The following INTS10 variants were observed in gnomAD, a reference collection of about 807,000 sequenced individuals.
INTS10 encodes chromosome 8 open reading frame 35.
INTS10 carries 44 observed loss-of-function variants against 94.4 expected under a neutral mutation model. The observed-to-expected ratio is 0.47, with a 90% CI of 0.37 to 0.60. The LOEUF is 0.60. INTS10 is among the 20% of genes least tolerant of loss of function. INTS10 has a pLI of 0.00. For synonymous variants in INTS10, 341 were observed against 320.7 expected (o/e 1.06, Z -0.68); for missense variants, 797 against 868.7 (o/e 0.92, Z 1.04).
rs996888469 is a variant in INTS10 at position 19,849,088 on chromosome 8, C to T, written c.1977-2561C>T. 2 of 612,948 alleles carry T rather than the reference C, an allele frequency of 3.3e-6. No individual in the cohort carries two copies. The highest frequency in any genetic ancestry group is 3.8e-5 in the African/African-American group (2 of 52,790). 38.0% of individuals were successfully genotyped at this position (612,948 alleles called of 1,614,324 possible). A position where few individuals can be genotyped will look rare whatever the true frequency, so the allele number is the denominator to read the frequency against. On this transcript the variant is annotated intron_variant, in intron 16 of 16. Transcript: ENST00000397977. The surrounding 1 kb of genome is among the most constrained non-coding windows in gnomAD (Gnocchi z 4.6). ...CTGCTTCTAGTCTTGTGTATTTTCT[C>T]TGGAGTGTTGTTTTTGCAGTGCAGG...
intron 12 of INTS10, among the ~76,000 whole-genome samples, chr8:19,833,800 G>T (rs1401944571): frequency 1.3e-5 from 2 of 152,058 alleles, no homozygotes; most frequent in African/African-American, 4.8e-5. Context: ...CTGAGGTCAG[G>T]AGTTTAAGAC....
chr8:19,844,113 T>G lies in INTS10; in HGVS notation c.1757T>G (p.Leu586Trp), dbSNP rs2068368441. Residue 586 changes from leucine to tryptophan, a missense_variant, in exon 15 of 17, where the codon TTG (leucine) becomes TGG (tryptophan). Around this residue, in one of 3 missense-constraint regions of INTS10, gnomAD observed 734 missense variants for 787.8 expected, o/e 0.93. Transcript: ENST00000397977. ...ACAGACAACAGAGACGACATGGCAT[T>G]GGGGCATGTGATTGTGTTGCTTCAG... is the stretch of plus-strand genomic sequence containing the variant. ...AFTDNRDDMA[L>W]GHVIVLLQQE... 1 of 1,613,412 alleles carries G rather than the reference T, an allele frequency of 6.2e-7. No homozygotes were observed. The highest frequency in any genetic ancestry group is 8.5e-7 in the Non-Finnish European group (1 of 1,179,562).
chr8:19,829,816 G>A (rs1237941475), intron 9 of INTS10, among the ~76,000 whole-genome samples: 3 of 152,080 alleles, frequency 2.0e-5, no homozygotes, highest in South Asian at 2.1e-4. Context: ...TTACAGGCAC[G>A]TGCCACCATG....
chr8:19,832,546 G>A (rs1359382491), intron 11 of INTS10, among the ~76,000 whole-genome samples: 2 of 152,112 alleles, frequency 1.3e-5, no homozygotes, highest in African/African-American at 4.8e-5. Flanking sequence ...CCCCAGCCTG[G>A]GTGACAGTGA....
chr8:19,822,342 C>G (rs571587739), intron 4 of INTS10, 97 bp from the exon 5 acceptor site: 1 of 645,502 alleles, frequency 1.5e-6, no homozygotes, highest in Admixed American at 2.9e-5. Context: ...TTTGATTATG[C>G]AAACTGTGAT....
chr8:19,825,035 A>G, intron 8 of INTS10, 63 bp downstream of exon 8: 1 of 1,310,962 alleles, frequency 7.6e-7, no homozygotes, highest in Non-Finnish European at 1.1e-6. Context: ...GGTAAGGAAA[A>G]TGAAAGTGTT....
intron 12 of INTS10, among the ~76,000 whole-genome samples, chr8:19,835,629 GC>G (rs545026524): frequency 1.9e-3 from 285 of 152,282 alleles, no homozygotes; most frequent in African/African-American, 6.5e-3. Context: ...ACAAGTCCTG[GC>G]TAGCTCTGTG....
chr8:19,831,488 T>C (rs1474773244), intron 10 of INTS10, among the ~76,000 whole-genome samples: 2 of 152,082 alleles, frequency 1.3e-5, no homozygotes, highest in African/African-American at 4.8e-5. Context: ...AGTTAGAGAC[T>C]AACCTGGGCA....
chr8:19,847,616 C>T (rs1490842556), intron 16 of INTS10, among the ~76,000 whole-genome samples: 3 of 152,178 alleles, frequency 2.0e-5, no homozygotes, highest in Non-Finnish European at 4.4e-5. Context: ...TATCACTTTA[C>T]CTAGATAATG....
Position 19,833,213 on chromosome 8 carries a change from T to A in INTS10, c.1422T>A (p.Ala474=), listed in dbSNP as rs1161112418. Reference sequence around the variant, plus strand: ...TAGCCAGCCTGCATCACTTAGCAGCTCTCCAGGGATCCATTTCTCAGCCAC... The same window carrying A: ...TAGCCAGCCTGCATCACTTAGCAGCACTCCAGGGATCCATTTCTCAGCCAC... ...KAIASLHHLA[A]LQGSISQPQI... The change falls in exon 12 of 17, where the codon GCT becomes GCA. Residue 474 remains alanine (A), a synonymous_variant. Transcript: ENST00000397977. The A allele has an allele frequency of 3.7e-6, 6 of 1,612,100 alleles. No homozygotes were observed. In the East Asian group the frequency reaches 1.3e-4, roughly 36 times the overall value.
chr8:19,833,136 C>T (rs1589991199), intron 11 of INTS10, 33 bp from the exon 12 acceptor site: 1 of 1,494,906 alleles, frequency 6.7e-7, no homozygotes, highest in Non-Finnish European at 8.9e-7. Flanking sequence ...AACAGCGATG[C>T]TTTTCCCCTC....
chr8:19,833,703 C>G (rs1299774318), intron 12 of INTS10, among the ~76,000 whole-genome samples: 1 of 152,086 alleles, frequency 6.6e-6, no homozygotes, highest in Non-Finnish European at 1.5e-5. Context: ...ACTTCAGATT[C>G]TCTCTTTAAA....
rs75763644 is a variant in INTS10 at position 19,848,778 on chromosome 8, C to T, written c.1977-2871C>T. ...AGGTTGAATGCTGGGACTGGTGTACCGTGAGAAGAGTGGAAAGTAAAGAGG... is the reference window on the plus strand; with the variant it reads ...AGGTTGAATGCTGGGACTGGTGTACTGTGAGAAGAGTGGAAAGTAAAGAGG... On this transcript the variant is annotated intron_variant, in intron 16 of 16. Coordinates refer to ENST00000397977, the MANE Select transcript of INTS10 (RefSeq NM_018142.4). The T allele has an allele frequency of 7.5e-3, 1,185 of 157,602 alleles. 10 individuals carry two copies. The highest frequency in any genetic ancestry group is 0.023 in the Middle Eastern group (7 of 298). 9.8% of individuals were successfully genotyped at this position (157,602 alleles called of 1,614,324 possible).
At chr8:19,828,767 C>A (rs1196906768) in intron 9 of INTS10, among the ~76,000 whole-genome samples, 1 of 150,696 alleles carries the variant, frequency 6.6e-6, no homozygotes, top group Non-Finnish European at 1.5e-5. Flanking sequence ...ATGTTGCCTA[C>A]TCTGTTCTTG....
At chr8:19,850,424 C>G (rs958299632) in intron 16 of INTS10, among the ~76,000 whole-genome samples, 1 of 152,124 alleles carries the variant, frequency 6.6e-6, no homozygotes, top group East Asian at 1.9e-4. Context: ...CCCTGTAGTT[C>G]TTTAAAACAT....
Position 19,818,325 on chromosome 8 carries a change from G to C in INTS10, c.180G>C (p.Gly60=). 10 of 1,614,190 alleles carry C rather than the reference G, an allele frequency of 6.2e-6. No homozygotes were observed. Among genetic ancestry groups the C allele is most frequent in the Non-Finnish European group, 8.5e-6 (10 of 1,180,028 alleles). ...ATGCAGAGCGGACCGCCACCGCCGG[G>C]AGGCTGCTGTACGACATGTGAGTGG... The part of the protein sequence containing the change: ...ERNAERTATA[G]RLLYDMFVNF... The change falls in exon 2 of 17, where the codon GGG becomes GGC. Residue 60 remains glycine (G), a synonymous_variant. Transcript: ENST00000397977.
chr8:19,818,424 G>C (rs937541636), intron 2 of INTS10, 82 bp downstream of exon 2: 1 of 1,390,756 alleles, frequency 7.2e-7, no homozygotes, highest in Non-Finnish European at 1.0e-6. Context: ...GTGGGAGTTG[G>C]GGGAAGATCT....
intron 13 of INTS10, 83 bp from the exon 14 acceptor site, chr8:19,842,765 G>C: frequency 1.3e-6 from 1 of 777,842 alleles, no homozygotes; most frequent in Non-Finnish European, 2.2e-6. Flanking sequence ...TGTTGTTAAT[G>C]AAAGCATCTT....
Position 19,846,040 on chromosome 8 carries a change from A to G in INTS10, c.1976+243A>G, listed in dbSNP as rs1228132606. ...ACATTTGCAACTTTTTCACTAGACAAAAGTCTCATTCATGATATCTTTTAC... is the reference window on the plus strand; with the variant it reads ...ACATTTGCAACTTTTTCACTAGACAGAAGTCTCATTCATGATATCTTTTAC... On this transcript the variant is annotated intron_variant, in intron 16 of 16. Transcript: ENST00000397977. The surrounding 1 kb of genome is among the most constrained non-coding windows in gnomAD (Gnocchi z 4.2). 7.3e-6 allele frequency: 3 copies of G among 410,720 alleles called. No individual in the cohort carries two copies. Among genetic ancestry groups the G allele is most frequent in the Non-Finnish European group, 1.3e-5 (3 of 224,450 alleles). The allele number at this position is 410,720 out of a possible 1,614,324, so 25.4% of individuals were successfully genotyped here.
Sources: gnomAD v4.1 joint callset for allele counts (sites outside exome capture counted in the v4.1 genomes callset) on GRCh38, gnomAD v4.1.1 for gene constraint, gnomAD v4.1.1 regional missense constraint, Gnocchi (gnomAD v3.1) non-coding constraint, MANE v1.5 for transcripts, NCBI Gene and HGNC (gene_info 2026-07-23, HGNC 2026-07-21) for gene names.